KCNH8: variants seen among roughly 807,000 people sequenced by gnomAD.
KCNH8 encodes potassium voltage-gated channel subfamily H member 8.
Under a neutral mutation model 103.6 loss-of-function variants are expected in KCNH8, and 70 were observed. That is an observed-to-expected ratio of 0.68 (90% CI 0.56 to 0.82). The LOEUF (loss-of-function observed/expected upper bound fraction) is 0.82. Ranked by LOEUF, KCNH8 falls within the 40% of genes least tolerant of loss-of-function variation. The pLI is 0.00. For missense variants in KCNH8, 1,217 were observed against 1,329.9 expected (o/e 0.92, Z 1.32); for synonymous variants, 498 against 489.4 (o/e 1.02, Z -0.23).
chr3:19,335,375 A>G lies in KCNH8; in HGVS notation c.443-7212A>G, dbSNP rs1015639963. On this transcript the variant is annotated intron_variant, in intron 3 of 15. Coordinates refer to ENST00000328405, the MANE Select transcript of KCNH8 (RefSeq NM_144633.3). ...AGTGTACTTCTATATTCAGTTTACT[A>G]ATGTTTTATTTAGGATTTTTGCATC... Among the ~76,000 whole-genome samples the G allele has an allele frequency of 9.3e-5, 14 of 151,254 alleles. No individual in the cohort carries two copies. In the South Asian group the frequency reaches 2.7e-3, roughly 29 times the overall value.
chr3:19,306,047 G>A (rs944934906), intron 3 of KCNH8, among the ~76,000 whole-genome samples: 5 of 152,066 alleles, frequency 3.3e-5, no homozygotes, highest in Admixed American at 6.6e-5. Context: ...TTTGTTTCTG[G>A]TGTGAAAGAA....
At chr3:19,401,974 A>G (rs1251626514) in intron 7 of KCNH8, among the ~76,000 whole-genome samples, 1 of 151,944 alleles carries the variant, frequency 6.6e-6, no homozygotes, top group Admixed American at 6.6e-5. Flanking sequence ...AACCTACAAT[A>G]TACTCAGTAT....
intron 2 of KCNH8, among the ~76,000 whole-genome samples, chr3:19,264,920 A>G (rs564713407): frequency 6.6e-6 from 1 of 152,084 alleles, no homozygotes; most frequent in East Asian, 1.9e-4. Context: ...GACCCCTTGT[A>G]CTCTGAAATA....
intron 1 of KCNH8, among the ~76,000 whole-genome samples, chr3:19,205,176 TCTAA>T (rs1440741974): frequency 2.0e-5 from 3 of 151,982 alleles, no homozygotes; most frequent in Admixed American, 1.3e-4. Context: ...CTTTCATATA[TCTAA>T]CTAATAGTTG....
At chr3:19,402,668 A>G (rs1395193916) in intron 7 of KCNH8, among the ~76,000 whole-genome samples, 4 of 151,942 alleles carry the variant, frequency 2.6e-5, no homozygotes, top group East Asian at 1.9e-4. Flanking sequence ...TACTGATCCT[A>G]GCATGGATGT....
At chr3:19,342,818 A>ATT in intron 4 of KCNH8, 104 bp downstream of exon 4, 2 of 1,181,052 alleles carry the variant, frequency 1.7e-6, no homozygotes, top group Non-Finnish European at 1.2e-6. Flanking sequence ...GCTTGCCTAG[A>ATT]TTTTTTTTTC....
Position 19,253,640 on chromosome 3 carries a change from T to A in KCNH8, c.77-14T>A. 6.3e-7 allele frequency: 1 copy of A among 1,583,298 alleles called. No homozygotes were observed. ...TATCTAGTTGCTGAGTATCTTCTCC[T>A]TGTTTTTCTATAGATAGCAACTTCA... is the stretch of plus-strand genomic sequence containing the variant. On this transcript the variant is annotated splice_polypyrimidine_tract_variant and intron_variant, in intron 1 of 15. Transcript: ENST00000328405.
chr3:19,222,319 G>A (rs1297217031), intron 1 of KCNH8, among the ~76,000 whole-genome samples: 1 of 152,030 alleles, frequency 6.6e-6, no homozygotes, highest in African/African-American at 2.4e-5. Flanking sequence ...TAATATGAGA[G>A]AATTCCTAAA....
chr3:19,195,834 C>A (rs1158898533), intron 1 of KCNH8, among the ~76,000 whole-genome samples: 1 of 151,916 alleles, frequency 6.6e-6, no homozygotes, highest in Non-Finnish European at 1.5e-5. Context: ...CAGTACTCGT[C>A]ATTTCTTTCA....
At chr3:19,424,040 G>A (rs1337001392) in intron 7 of KCNH8, among the ~76,000 whole-genome samples, 1 of 151,982 alleles carries the variant, frequency 6.6e-6, no homozygotes. Context: ...ATTGCCAAAG[G>A]CAGTCTACAG....
intron 11 of KCNH8, among the ~76,000 whole-genome samples, chr3:19,475,120 G>A (rs1024476645): frequency 2.0e-5 from 3 of 152,024 alleles, no homozygotes; most frequent in African/African-American, 4.8e-5. Context: ...AAGCTTAAAG[G>A]GCCAGAATTG....
intron 7 of KCNH8, among the ~76,000 whole-genome samples, chr3:19,403,940 A>C (rs1342221397): frequency 6.6e-6 from 1 of 151,858 alleles, no homozygotes; most frequent in African/African-American, 2.4e-5. Context: ...ATGACATTTT[A>C]ATATGTAGAT....
At chr3:19,515,275 C>T in intron 13 of KCNH8, 47 bp from the exon 14 acceptor site, 1 of 996,624 alleles carries the variant, frequency 1.0e-6, no homozygotes, top group Non-Finnish European at 1.5e-6. Flanking sequence ...ATACTGGAAT[C>T]CATGAATATG....
At chr3:19,351,388 C>A (rs1390415307) in intron 5 of KCNH8, among the ~76,000 whole-genome samples, 1 of 152,040 alleles carries the variant, frequency 6.6e-6, no homozygotes, top group East Asian at 1.9e-4. Context: ...CAGAGAATGC[C>A]ACAGACGTAC....
chr3:19,358,249 C>G (rs1412595387), intron 5 of KCNH8, among the ~76,000 whole-genome samples: 1 of 144,584 alleles, frequency 6.9e-6, no homozygotes, highest in Non-Finnish European at 1.5e-5. Flanking sequence ...TTCTTTCTTT[C>G]TTTCTCTCTC....
At chr3:19,437,550 T>C (rs150975907) in intron 7 of KCNH8, among the ~76,000 whole-genome samples, 1 of 152,310 alleles carries the variant, frequency 6.6e-6, no homozygotes, top group African/African-American at 2.4e-5. Flanking sequence ...CTTGTGCAAG[T>C]TTTCCCCCTT....
At chr3:19,244,336 T>G (rs970994087) in intron 1 of KCNH8, among the ~76,000 whole-genome samples, 3 of 152,214 alleles carry the variant, frequency 2.0e-5, no homozygotes, top group African/African-American at 7.2e-5. Context: ...ATTTACGCAG[T>G]CTACCATAGA....
At chr3:19,490,544 C>T (rs577748788) in intron 11 of KCNH8, among the ~76,000 whole-genome samples, 3 of 152,262 alleles carry the variant, frequency 2.0e-5, no homozygotes, top group African/African-American at 7.2e-5. Context: ...GATAATATAA[C>T]CGATTAGGTC....
intron 3 of KCNH8, 129 bp from the exon 4 acceptor site, chr3:19,342,458 G>A (rs975152133): frequency 1.4e-6 from 1 of 735,164 alleles, no homozygotes; most frequent in Non-Finnish European, 2.0e-6. Flanking sequence ...AATGTCATTA[G>A]GATCCAGCAG....
Sources: allele counts gnomAD v4.1 joint callset (sites outside exome capture counted in the v4.1 genomes callset), GRCh38; gene constraint gnomAD v4.1.1; transcripts MANE v1.5; gene names NCBI Gene and HGNC (gene_info 2026-07-23, HGNC 2026-07-21).